Variants in NUP160 observed in about 807,000 individuals in gnomAD.
The protein encoded by NUP160 is nucleoporin 160, also known as nuclear pore complex protein Nup160.
Under a neutral mutation model 196.9 loss-of-function variants are expected in NUP160, and 94 were observed. That is an observed-to-expected ratio of 0.48 (90% CI 0.40 to 0.57). The LOEUF is 0.57. Ranked by LOEUF, NUP160 falls within the 20% of genes least tolerant of loss-of-function variation. The probability of loss-of-function intolerance (pLI) is 0.00; values close to 1 mark genes in which losing one functional copy is unlikely to be tolerated. For synonymous variants in NUP160, 605 were observed against 619.7 expected (o/e 0.98, Z 0.35); for missense variants, 1,638 against 1,748.3 (o/e 0.94, Z 1.13).
chr11:47,788,985 T>C (rs2135347091), intron 29 of NUP160, among the ~76,000 whole-genome samples: 1 of 152,154 alleles, frequency 6.6e-6, no homozygotes, highest in East Asian at 1.9e-4. Flanking sequence ...CATGTGATTC[T>C]CCTGCCTCAG....
chr11:47,819,905 T>C (rs1040181394), intron 9 of NUP160, among the ~76,000 whole-genome samples: 2 of 152,234 alleles, frequency 1.3e-5, no homozygotes, highest in African/African-American at 2.4e-5. Context: ...GCTGAGGGTA[T>C]ATCACAGCTA....
intron 22 of NUP160, among the ~76,000 whole-genome samples, chr11:47,803,142 AAATAATAATAATAAT>A (rs55654627): frequency 6.5e-5 from 9 of 139,052 alleles, no homozygotes; most frequent in African/African-American, 2.1e-4. Flanking sequence ...TGATTTTACA[AAATAATAATAATAAT>A]AATAATAATA....
intron 5 of NUP160, 92 bp downstream of exon 5, chr11:47,837,453 G>T (rs1565209165): frequency 5.3e-6 from 5 of 946,368 alleles, no homozygotes; most frequent in Non-Finnish European, 8.5e-6. Flanking sequence ...TATAATGTTT[G>T]CCTTGGAATA....
At chr11:47,799,737 G>T (rs538354814) in intron 23 of NUP160, among the ~76,000 whole-genome samples, 1 of 151,766 alleles carries the variant, frequency 6.6e-6, no homozygotes, top group South Asian at 2.1e-4. Context: ...GTAGAGATGG[G>T]GTCTTCCTAT....
At chr11:47,783,018 T>A (rs973225430) in intron 34 of NUP160, 55 bp downstream of exon 34, 3 of 1,484,012 alleles carry the variant, frequency 2.0e-6, no homozygotes, top group Non-Finnish European at 2.8e-6. Flanking sequence ...CACTGTAAAG[T>A]TGAAAAATCG....
At chr11:47,808,477 C>T (rs761974784) in exon 18 of NUP160, 17 of 1,613,728 alleles carry the variant, frequency 1.1e-5, no homozygotes, top group Non-Finnish European at 1.4e-5. Context: ...GGGAGCTGTT[C>T]GATGTAGTAG....
intron 4 of NUP160, among the ~76,000 whole-genome samples, chr11:47,838,188 C>A (rs918303152): frequency 3.9e-5 from 6 of 152,050 alleles, no homozygotes; most frequent in Admixed American, 2.6e-4. Flanking sequence ...TGAGTAAAGA[C>A]CTAAAGGAGC....
exon 2 of NUP160, chr11:47,847,936 C>A (rs1242037159): frequency 3.7e-6 from 6 of 1,614,000 alleles, no homozygotes; most frequent in Non-Finnish European, 5.1e-6. Flanking sequence ...TATTTTACGG[C>A]GCCAGCCACG....
intron 35 of NUP160, among the ~76,000 whole-genome samples, chr11:47,779,876 C>T (rs190550606): frequency 7.2e-5 from 11 of 152,112 alleles, no homozygotes; most frequent in Admixed American, 2.0e-4. Flanking sequence ...TACAGGTGCC[C>T]GCCACCATGC....
exon 12 of NUP160, chr11:47,815,953 T>G: frequency 6.2e-7 from 1 of 1,612,358 alleles, no homozygotes; most frequent in South Asian, 1.1e-5. Context: ...CACCTCATTT[T>G]CAACAGCTAA....
At chr11:47,821,880 T>C (rs1851865689) in intron 8 of NUP160, 59 bp from the exon 9 acceptor site, 1 of 1,353,794 alleles carries the variant, frequency 7.4e-7, no homozygotes, top group African/African-American at 1.4e-5. Flanking sequence ...TAGTTCACGG[T>C]GACTTACTTT....
intron 17 of NUP160, 75 bp from the exon 18 acceptor site, chr11:47,808,604 A>C: frequency 8.1e-7 from 1 of 1,233,664 alleles, no homozygotes; most frequent in Middle Eastern, 2.0e-4. Context: ...GCTCAGGTGG[A>C]GGTAAAATAA....
intron 8 of NUP160, 31 bp downstream of exon 8, chr11:47,822,056 T>C (rs546539551): frequency 2.9e-6 from 4 of 1,402,662 alleles, no homozygotes; most frequent in African/African-American, 2.8e-5. Context: ...TTCTTGTACT[T>C]ATGTGATATG....
intron 7 of NUP160, among the ~76,000 whole-genome samples, chr11:47,832,725 G>A (rs1003037386): frequency 1.3e-5 from 2 of 152,138 alleles, no homozygotes; most frequent in Non-Finnish European, 2.9e-5. Flanking sequence ...GTAAAACTCC[G>A]GTCTCCTGTT....
intron 23 of NUP160, among the ~76,000 whole-genome samples, chr11:47,800,521 T>C (rs1026384479): frequency 6.6e-6 from 1 of 151,802 alleles, no homozygotes; most frequent in African/African-American, 2.4e-5. Flanking sequence ...GGCTCCTAAG[T>C]AGCTGGGATT....
intron 13 of NUP160, among the ~76,000 whole-genome samples, chr11:47,813,963 G>A (rs2097682660): frequency 6.6e-6 from 1 of 150,536 alleles, no homozygotes; most frequent in African/African-American, 2.4e-5. Context: ...CCCAGCTACT[G>A]GTGAGGCTGA....
chr11:47,821,588 G>C, intron 9 of NUP160, 136 bp downstream of exon 9: 1 of 644,692 alleles, frequency 1.6e-6, no homozygotes, highest in South Asian at 2.0e-5. Flanking sequence ...TCGAACTCCT[G>C]AGCTTAAGTG....
chr11:47,834,894 G>A (rs1852145220), intron 7 of NUP160, among the ~76,000 whole-genome samples: 2 of 152,124 alleles, frequency 1.3e-5, no homozygotes, highest in African/African-American at 4.8e-5. Flanking sequence ...CTCAGGTTGG[G>A]TGAGGAGGAG....
chr11:47,840,609 G>A, intron 2 of NUP160, 21 bp from the exon 3 acceptor site: 6 of 1,525,394 alleles, frequency 3.9e-6, no homozygotes, highest in Non-Finnish European at 5.4e-6. Context: ...AGAGACATTT[G>A]TTTGAAAAGT....
Sources: gnomAD v4.1 joint callset for allele counts (sites outside exome capture counted in the v4.1 genomes callset) on GRCh38, gnomAD v4.1.1 for gene constraint, MANE v1.5 for transcripts, NCBI Gene and HGNC (gene_info 2026-07-23, HGNC 2026-07-21) for gene names.